BMPER: variants seen among roughly 807,000 people sequenced by gnomAD.
BMPER encodes the protein BMP-binding endothelial regulator protein.
BMPER carries 45 observed loss-of-function variants against 87.3 expected under a neutral mutation model. The ratio of observed to expected loss-of-function variants is 0.52; its 90% CI spans 0.41 to 0.66. The LOEUF (loss-of-function observed/expected upper bound fraction) is 0.66. BMPER is among the 30% of genes least tolerant of loss of function. BMPER has a pLI of 0.00. For synonymous variants in BMPER, 326 were observed against 316.2 expected (o/e 1.03, Z -0.33); for missense variants, 784 against 867.5 (o/e 0.90, Z 1.21).
intron 11 of BMPER, among the ~76,000 whole-genome samples, chr7:34,065,831 G>C (rs571012723): frequency 1.3e-5 from 2 of 152,268 alleles, no homozygotes; most frequent in South Asian, 2.1e-4. Flanking sequence ...ACTCTTACGT[G>C]TTTTCAGCTA....
At chr7:34,039,385 T>A (rs1401788088) in intron 6 of BMPER, among the ~76,000 whole-genome samples, 1 of 152,048 alleles carries the variant, frequency 6.6e-6, no homozygotes, top group East Asian at 1.9e-4. Flanking sequence ...TGGAGGTGAT[T>A]TTGTTTCCCA....
intron 6 of BMPER, among the ~76,000 whole-genome samples, chr7:33,995,092 T>C (rs1786366261): frequency 1.3e-5 from 2 of 152,206 alleles, no homozygotes; most frequent in African/African-American, 4.8e-5. Flanking sequence ...TTTTTATAAA[T>C]GCAGTCATAT....
At chr7:34,135,670 C>A (rs943979424) in intron 13 of BMPER, among the ~76,000 whole-genome samples, 1 of 152,112 alleles carries the variant, frequency 6.6e-6, no homozygotes, top group African/African-American at 2.4e-5. Context: ...AGGCACCTCC[C>A]TTAGCCTAGA....
rs191988459 is a variant in BMPER, at chr7:34,037,792, T to G, written c.577-8514T>G. Among the ~76,000 whole-genome samples, 388 of 152,322 alleles carry G rather than the reference T, an allele frequency of 2.5e-3. 1 individual carries two copies. The highest frequency in any genetic ancestry group is 4.6e-3 in the Non-Finnish European group (310 of 68,034). ...GAGAGGGCGAATAAGACGAAAACAT[T>G]GGATTGTCTGGTTTGAATTTCACCT... On this transcript the variant is annotated intron_variant, in intron 6 of 14. Coordinates refer to ENST00000649409, the MANE Select transcript of BMPER (RefSeq NM_001365308.1).
At chr7:34,005,297 C>G (rs1786695741) in intron 6 of BMPER, among the ~76,000 whole-genome samples, 1 of 151,980 alleles carries the variant, frequency 6.6e-6, no homozygotes, top group Non-Finnish European at 1.5e-5. Context: ...TATTGTAACA[C>G]TGGGTAGAGA....
rs73329131 is a variant in BMPER, at chr7:34,029,221, G to A, written c.577-17085G>A. 9.0e-3 allele frequency among the ~76,000 whole-genome samples: 1,363 copies of A among 152,162 alleles called. 15 individuals carry two copies. Among genetic ancestry groups the A allele is most frequent in the African/African-American group, 0.031 (1,288 of 41,540 alleles). ...TATAGATATAAAATTGTTTGTGCAT[G>A]TTGTGCCAAATTTGAAGATCAAAAG... On this transcript the variant is annotated intron_variant, in intron 6 of 14. Transcript: ENST00000649409.
At chr7:33,920,564 T>C (rs764513234) in intron 2 of BMPER, among the ~76,000 whole-genome samples, 15 of 151,786 alleles carry the variant, frequency 9.9e-5, no homozygotes, top group Non-Finnish European at 2.2e-4. Flanking sequence ...AAGCTGGGAT[T>C]ACAGGTGCAC....
intron 7 of BMPER, among the ~76,000 whole-genome samples, chr7:34,047,538 AAGTGCTGGGATTACAG>A (rs1356063687): frequency 6.6e-6 from 1 of 151,974 alleles, no homozygotes; most frequent in African/African-American, 2.4e-5. Flanking sequence ...CAGCCTCCCA[AAGTGCTGGGATTACAG>A]GCGTGAGCCA....
intron 13 of BMPER, among the ~76,000 whole-genome samples, chr7:34,142,174 T>G (rs1790892595): frequency 6.6e-6 from 1 of 152,218 alleles, no homozygotes; most frequent in Admixed American, 6.5e-5. Context: ...TGCATAAATG[T>G]TAACTGGAAA....
chr7:33,931,910 G>A (rs568622416), intron 2 of BMPER, among the ~76,000 whole-genome samples: 4 of 152,250 alleles, frequency 2.6e-5, no homozygotes, highest in Admixed American at 2.0e-4. Context: ...GATCTCTTTC[G>A]TGCTTCTCAC....
chr7:33,915,158 T>A (rs1784061450), intron 2 of BMPER, among the ~76,000 whole-genome samples: 1 of 152,154 alleles, frequency 6.6e-6, no homozygotes, highest in African/African-American at 2.4e-5. Flanking sequence ...CCACATGAAA[T>A]TTTAAAAGGT....
intron 6 of BMPER, among the ~76,000 whole-genome samples, chr7:34,010,180 C>G (rs1786841140): frequency 1.3e-5 from 2 of 151,876 alleles, no homozygotes; most frequent in South Asian, 4.1e-4. Context: ...TATTCCTTTT[C>G]TATTCCTTTT....
intron 6 of BMPER, among the ~76,000 whole-genome samples, chr7:33,994,657 T>G (rs1482573436): frequency 6.6e-6 from 1 of 152,190 alleles, no homozygotes; most frequent in African/African-American, 2.4e-5. Context: ...TTTTAAAAGT[T>G]TTGCCTTTGC....
At position 34,006,409 on chromosome 7, in the gene BMPER, T is replaced by C. The variant is rs1203119988; in HGVS notation, c.576+31625T>C. Among the ~76,000 whole-genome samples the C allele has an allele frequency of 2.0e-5, 3 of 152,162 alleles. No individual in the cohort carries two copies. In the East Asian group the frequency reaches 5.8e-4, roughly 30 times the overall value. On this transcript the variant is annotated intron_variant, in intron 6 of 14. Coordinates refer to ENST00000649409, the MANE Select transcript of BMPER (RefSeq NM_001365308.1). ...AAATTAGCTTGTATTTTTGGCTAGG[T>C]TTTAGTGGAAAGGAAACACCTTCCT...
chr7:33,965,845 A>G (rs1785392171), intron 3 of BMPER, among the ~76,000 whole-genome samples: 1 of 123,586 alleles, frequency 8.1e-6, no homozygotes, highest in South Asian at 3.4e-4. Flanking sequence ...GTTTTTGCCA[A>G]TGAATAACAT....
At chr7:34,002,153 G>A (rs1477042696) in intron 6 of BMPER, among the ~76,000 whole-genome samples, 5 of 151,656 alleles carry the variant, frequency 3.3e-5, no homozygotes, top group African/African-American at 1.2e-4. Flanking sequence ...AGAGTGGAGC[G>A]TTCTCTGTAG....
chr7:34,055,768 T>C (rs1261781109), intron 9 of BMPER, among the ~76,000 whole-genome samples: 3 of 152,324 alleles, frequency 2.0e-5, no homozygotes, highest in African/African-American at 7.2e-5. Context: ...TGTATGTAGT[T>C]GAGCCAGGTG....
chr7:34,010,778 T>C (rs1351342374), intron 6 of BMPER, among the ~76,000 whole-genome samples: 2 of 151,982 alleles, frequency 1.3e-5, no homozygotes, highest in Non-Finnish European at 2.9e-5. Flanking sequence ...TCTACATTTA[T>C]GAAATCTGAA....
chr7:33,925,102 A>G (rs1354161029), intron 2 of BMPER, among the ~76,000 whole-genome samples: 4 of 152,170 alleles, frequency 2.6e-5, no homozygotes, highest in East Asian at 1.9e-4. Context: ...CGTCCCTGCT[A>G]GAACGTCAGC....
Sources: gnomAD v4.1 joint callset for allele counts (sites outside exome capture counted in the v4.1 genomes callset) on GRCh38, gnomAD v4.1.1 for gene constraint, MANE v1.5 for transcripts, NCBI Gene and HGNC (gene_info 2026-07-23, HGNC 2026-07-21) for gene names.